STK33: variants seen among roughly 807,000 people sequenced by gnomAD.
STK33 encodes the protein serine/threonine kinase 33.
In STK33, 52 loss-of-function variants were observed where a neutral mutation model predicts 58.0. The observed-to-expected ratio is 0.90, with a 90% CI of 0.72 to 1.13. The LOEUF is 1.13. STK33 is among the 50% of genes most tolerant of loss of function. The probability of loss-of-function intolerance (pLI) is 0.00; values close to 1 mark genes in which losing one functional copy is unlikely to be tolerated. For synonymous variants in STK33, 215 were observed against 200.1 expected (o/e 1.07, Z -0.63); for missense variants, 630 against 604.2 (o/e 1.04, Z -0.45).
At chr11:8,359,266 G>A in the STK33 span, among the ~76,000 whole-genome samples, 1 of 152,174 alleles carries the variant, frequency 6.6e-6, no homozygotes. Context: ...CTAGTTATAT[G>A]TCAGTGCTAA....
chr11:8,336,096 A>T, the STK33 span, among the ~76,000 whole-genome samples: 1 of 152,114 alleles, frequency 6.6e-6, no homozygotes, highest in Non-Finnish European at 1.5e-5. Context: ...GGGCACTGAG[A>T]TGGAAGAGCC....
chr11:8,583,580 A>T lies in STK33; in HGVS notation c.-466+10503T>A, dbSNP rs55765611. Among the ~76,000 whole-genome samples, 3 of 152,210 alleles carry T rather than the reference A, an allele frequency of 2.0e-5. No homozygotes were observed. The East Asian group carries it at 5.8e-4, about 29-fold the overall frequency. On this transcript the variant is annotated intron_variant, in intron 1 of 15. Coordinates refer to ENST00000687296, the MANE Select transcript of STK33 (RefSeq NM_001352389.2). Reference sequence around the variant, plus strand: ...AAAAAATAGTGTCATCAAGTTATTCATTCTGAAAGAAGTTAACCCCCCTAT... The same window carrying T: ...AAAAAATAGTGTCATCAAGTTATTCTTTCTGAAAGAAGTTAACCCCCCTAT...
At chr11:8,457,279 C>T (rs1471572994) in intron 9 of STK33, 62 bp downstream of exon 9, 2 of 1,395,586 alleles carry the variant, frequency 1.4e-6, no homozygotes, top group South Asian at 2.0e-5. Context: ...AATACAATTA[C>T]CCTTAAACAA....
chr11:8,468,328 T>TGGGA (rs929729366), intron 6 of STK33, among the ~76,000 whole-genome samples: 5 of 152,214 alleles, frequency 3.3e-5, no homozygotes, highest in Admixed American at 3.3e-4. Context: ...ATGGGAATTA[T>TGGGA]GGGAGCTACA....
chr11:8,408,595 A>G (rs569604662), intron 15 of STK33, among the ~76,000 whole-genome samples: 1 of 152,294 alleles, frequency 6.6e-6, no homozygotes, highest in South Asian at 2.1e-4. Context: ...TGTTAGCACA[A>G]TTAGTTATTT....
At chr11:8,464,628 G>T in intron 7 of STK33, 81 bp downstream of exon 7, 1 of 934,668 alleles carries the variant, frequency 1.1e-6, no homozygotes, top group Non-Finnish European at 1.7e-6. Flanking sequence ...GGCAGCTTGT[G>T]TTAGTGTAAA....
At chr11:8,420,329 CAGTGATTTTTTTCCACA>C (rs1941735190) in intron 14 of STK33, among the ~76,000 whole-genome samples, 1 of 152,118 alleles carries the variant, frequency 6.6e-6, no homozygotes, top group African/African-American at 2.4e-5. Context: ...AAAATCACCT[CAGTGATTTTTTTCCACA>C]AGTATAGTAA....
chr11:8,562,137 A>T (rs1957153983), intron 1 of STK33, among the ~76,000 whole-genome samples: 1 of 152,204 alleles, frequency 6.6e-6, no homozygotes. Flanking sequence ...TTACTAAAAT[A>T]ATTCTTAATC....
rs186984408 is a variant in STK33 at position 8,396,395 on chromosome 11, A to G, written c.1345-3685T>C. 3.4e-3 allele frequency among the ~76,000 whole-genome samples: 515 copies of G among 152,334 alleles called. 5 individuals carry two copies. Among genetic ancestry groups the G allele is most frequent in the African/African-American group, 0.012 (490 of 41,574 alleles). ...AATACTGTATGTGTATGGGTACCTTACCATTTCTCTCTTTACTAAATTCCA... is the reference window on the plus strand; with the variant it reads ...AATACTGTATGTGTATGGGTACCTTGCCATTTCTCTCTTTACTAAATTCCA... On this transcript the variant is annotated intron_variant, in intron 15 of 15. Transcript: ENST00000687296.
chr11:8,405,673 C>T (rs1939004976), intron 15 of STK33, among the ~76,000 whole-genome samples: 1 of 152,132 alleles, frequency 6.6e-6, no homozygotes, highest in Non-Finnish European at 1.5e-5. Context: ...ATCCTAGGAG[C>T]TTTACAGTTT....
At chr11:8,494,373 A>T (rs532175890) in intron 1 of STK33, among the ~76,000 whole-genome samples, 7 of 152,342 alleles carry the variant, frequency 4.6e-5, no homozygotes, top group Admixed American at 3.3e-4. Flanking sequence ...AATACCTAGG[A>T]ATCCAACTTA....
At chr11:8,587,938 G>A (rs1197574325) in intron 1 of STK33, among the ~76,000 whole-genome samples, 1 of 152,202 alleles carries the variant, frequency 6.6e-6, no homozygotes, top group South Asian at 2.1e-4. Flanking sequence ...AGACTGGGTG[G>A]CTTAAACAAC....
intron 1 of STK33, among the ~76,000 whole-genome samples, chr11:8,559,603 C>T (rs1956988694): frequency 6.6e-6 from 1 of 152,072 alleles, no homozygotes; most frequent in South Asian, 2.1e-4. Flanking sequence ...ACTATTCTAC[C>T]CCATAATTTT....
the STK33 span, among the ~76,000 whole-genome samples, chr11:8,375,375 C>T: frequency 2.6e-5 from 4 of 152,316 alleles, no homozygotes; most frequent in Admixed American, 6.5e-5. Flanking sequence ...GCAGGAATTA[C>T]TCACCACTTC....
chr11:8,385,480 C>A, the STK33 span, among the ~76,000 whole-genome samples: 1 of 152,230 alleles, frequency 6.6e-6, no homozygotes, highest in Non-Finnish European at 1.5e-5. Context: ...CTCCCCGGCT[C>A]TTCCCACGGT....
the STK33 span, among the ~76,000 whole-genome samples, chr11:8,349,858 C>T: frequency 6.6e-6 from 1 of 152,364 alleles, no homozygotes; most frequent in Non-Finnish European, 1.5e-5. Context: ...CTGTCCTTCA[C>T]CCACTCCTTA....
At position 8,392,209 on chromosome 11, in the gene STK33, C is replaced by A. The variant is rs929806486; in HGVS notation, c.*301G>T. On this transcript the variant is annotated 3_prime_UTR_variant, in exon 16 of 16. Transcript: ENST00000687296. Reference sequence around the variant, plus strand: ...TTTGAAGTAAAAATGAGCAAGTGTGCCCACAGCCTTAAATTGAAGGTATCT... The same window carrying A: ...TTTGAAGTAAAAATGAGCAAGTGTGACCACAGCCTTAAATTGAAGGTATCT... The A allele has an allele frequency of 2.7e-6, 1 of 367,082 alleles. No homozygotes were observed. The highest frequency in any genetic ancestry group is 5.2e-5 in the South Asian group (1 of 19,300). 22.7% of individuals were successfully genotyped at this position (367,082 alleles called of 1,614,324 possible). A position where few individuals can be genotyped will look rare whatever the true frequency, so the allele number is the denominator to read the frequency against.
intron 6 of STK33, among the ~76,000 whole-genome samples, chr11:8,470,828 G>A (rs1013272978): frequency 2.0e-5 from 3 of 152,136 alleles, no homozygotes; most frequent in Admixed American, 6.6e-5. Flanking sequence ...TGCAATTTGT[G>A]ACACCCCCAA....
intron 1 of STK33, among the ~76,000 whole-genome samples, chr11:8,485,094 TTGA>T (rs1950108733): frequency 1.3e-5 from 2 of 152,330 alleles, no homozygotes; most frequent in South Asian, 4.1e-4. Flanking sequence ...TAAAAATACA[TTGA>T]TGATTCTGAT....
Sources: allele counts gnomAD v4.1 joint callset (sites outside exome capture counted in the v4.1 genomes callset), GRCh38; gene constraint gnomAD v4.1.1; transcripts MANE v1.5; gene names NCBI Gene and HGNC (gene_info 2026-07-23, HGNC 2026-07-21).